The following PEX1 variants were observed in gnomAD, a reference collection of about 807,000 sequenced individuals.
PEX1 encodes the protein peroxisomal biogenesis factor 1.
PEX1 carries 97 observed loss-of-function variants against 152.5 expected under a neutral mutation model. The ratio of observed to expected loss-of-function variants is 0.64; its 90% CI spans 0.54 to 0.75. PEX1 has a LOEUF of 0.75. PEX1 is among the 30% of genes least tolerant of loss of function. The probability of loss-of-function intolerance (pLI) is 0.00; values close to 1 mark genes in which losing one functional copy is unlikely to be tolerated. For missense variants in PEX1, 1,357 were observed against 1,516.3 expected (o/e 0.89, Z 1.74); for synonymous variants, 485 against 531.6 (o/e 0.91, Z 1.21).
intron 22 of PEX1, 83 bp downstream of exon 22, chr7:92,489,631 A>G (rs1040993893): frequency 3.0e-5 from 39 of 1,289,720 alleles, no homozygotes; most frequent in Middle Eastern, 3.7e-4. Flanking sequence ...TAGCTCGTTT[A>G]TAAGTCAAAG....
In PEX1 at chr7:92,504,768, T is replaced by G. The variant is rs1792099195; in HGVS notation, c.2035A>C (p.Ser679Arg). The G allele has an allele frequency of 6.2e-7, 1 of 1,614,072 alleles. No homozygotes were observed. The highest frequency in any genetic ancestry group is 8.5e-7 in the Non-Finnish European group (1 of 1,180,018). Reference sequence around the variant, plus strand: ...CGCTGGCTCTGCACCGCATCAGGACTGTGCTCATGTTCCGGGACAGCAGGC... The same window carrying G: ...CGCTGGCTCTGCACCGCATCAGGACGGTGCTCATGTTCCGGGACAGCAGGC... ...GLPAVPEHEH[S>R]PDAVQSQRLA... Residue 679 changes from serine (S) to arginine (R), a missense_variant, in exon 12 of 24, where the codon AGT becomes CGT. Coordinates refer to ENST00000248633, the MANE Select transcript of PEX1 (RefSeq NM_000466.3).
rs2116077400 is a variant in PEX1, at chr7:92,493,001, A to AT, written c.3158dup (p.Asn1053LysfsTer24). Reference sequence around the variant, plus strand: ...TTCCATGTAAGGCCTCCAATTGGGCATTGTAAAGTAAAGCTTTCAGATCAG... The same window carrying AT: ...TTCCATGTAAGGCCTCCAATTGGGCATTTGTAAAGTAAAGCTTTCAGATCAG... On this transcript the variant is annotated frameshift_variant, in exon 20 of 24. Coordinates refer to ENST00000248633, the MANE Select transcript of PEX1 (RefSeq NM_000466.3). LOFTEE classifies it high-confidence loss of function. The AT allele has an allele frequency of 6.2e-7, 1 of 1,613,968 alleles. No homozygotes were observed. Among genetic ancestry groups the AT allele is most frequent in the Non-Finnish European group, 8.5e-7 (1 of 1,179,860 alleles).
intron 2 of PEX1, among the ~76,000 whole-genome samples, chr7:92,521,847 A>AC (rs1793063432): frequency 2.6e-5 from 4 of 152,234 alleles, no homozygotes; most frequent in Admixed American, 1.3e-4. Context: ...AAATAATTTC[A>AC]TGAAACCAAA....
intron 6 of PEX1, among the ~76,000 whole-genome samples, chr7:92,512,210 T>C (rs1792506232): frequency 6.6e-6 from 1 of 152,180 alleles, no homozygotes; most frequent in Non-Finnish European, 1.5e-5. Context: ...TTGGTAGACA[T>C]GGGGTTTCAC....
intron 5 of PEX1, among the ~76,000 whole-genome samples, chr7:92,515,189 G>A (rs1006346505): frequency 2.7e-5 from 4 of 147,070 alleles, no homozygotes; most frequent in African/African-American, 5.1e-5. Flanking sequence ...ACATAAAGAC[G>A]ACTTTACTCT....
chr7:92,487,565 A>G, intron 23 of PEX1, 24 bp from the exon 24 acceptor site: 1 of 1,047,844 alleles, frequency 9.5e-7, no homozygotes, highest in Non-Finnish European at 1.5e-6. Flanking sequence ...GAGATAATTT[A>G]ATATGTATAA....
In PEX1 at chr7:92,487,328, C is replaced by G; in HGVS notation, c.*129G>C. 1.7e-6 allele frequency: 1 copy of G among 598,076 alleles called. No homozygotes were observed. The highest frequency in any genetic ancestry group is 3.0e-6 in the Non-Finnish European group (1 of 336,126). 37.0% of individuals were successfully genotyped at this position (598,076 alleles called of 1,614,324 possible). Reference sequence around the variant, plus strand: ...TTACATAATTATAGCATTTACCAATCTGTGATTTTATAAATTAACCAAATT... The same window carrying G: ...TTACATAATTATAGCATTTACCAATGTGTGATTTTATAAATTAACCAAATT... On this transcript the variant is annotated 3_prime_UTR_variant, in exon 24 of 24. Coordinates refer to ENST00000248633, the MANE Select transcript of PEX1 (RefSeq NM_000466.3).
intron 1 of PEX1, among the ~76,000 whole-genome samples, chr7:92,526,854 C>T (rs918792295): frequency 6.6e-6 from 1 of 152,140 alleles, no homozygotes; most frequent in Admixed American, 6.5e-5. Flanking sequence ...CAACATTAGT[C>T]ACCTCTAAGT....
At chr7:92,504,648 C>T (rs1585235053) in intron 12 of PEX1, 84 bp downstream of exon 12, 1 of 1,314,576 alleles carries the variant, frequency 7.6e-7, no homozygotes, top group East Asian at 2.4e-5. Context: ...ATATTATTCT[C>T]TGAAGAGAGT....
chr7:92,522,268 GA>G, intron 1 of PEX1, 23 bp from the exon 2 acceptor site: 2 of 1,609,114 alleles, frequency 1.2e-6, no homozygotes, highest in South Asian at 1.1e-5. Flanking sequence ...GAAATGAGAG[GA>G]AAAAAGGTTT....
chr7:92,496,929 TATC>T, intron 16 of PEX1, 152 bp from the exon 17 acceptor site: 1 of 647,402 alleles, frequency 1.5e-6, no homozygotes, highest in Non-Finnish European at 2.8e-6. Flanking sequence ...CTAGAATAAA[TATC>T]ATACCACAAG....
Position 92,509,405 on chromosome 7 carries a change from G to C in PEX1, c.1594C>G (p.Leu532Val), listed in dbSNP as rs1475891810. The C allele has an allele frequency of 7.5e-6, 12 of 1,608,174 alleles. No individual in the cohort carries two copies. The East Asian group carries it at 2.0e-4, about 27-fold the overall frequency. ...LLQKTTIQVL[L>V]DPMVKEENSE... The stretch of plus-strand genomic sequence containing the variant: ...TTTTCTTCTTTTACCATAGGATCTA[G>C]AAGGACCTACAGTTGCAAGGAAAAA... Residue 532 changes from leucine (L) to valine (V), a missense_variant, in exon 9 of 24, where the codon CTA (leucine) becomes GTA (valine). By Grantham distance (32) the Leu-to-Val change is conservative. Coordinates refer to ENST00000248633, the MANE Select transcript of PEX1 (RefSeq NM_000466.3).
At chr7:92,506,669 G>A (rs760438558) in intron 10 of PEX1, 2 of 494,228 alleles carry the variant, frequency 4.0e-6, no homozygotes, top group Non-Finnish European at 7.3e-6. Flanking sequence ...ATTTATCACA[G>A]GTATGCAAGG....
chr7:92,504,198 T>C (rs1208802755), intron 12 of PEX1, among the ~76,000 whole-genome samples: 4 of 151,998 alleles, frequency 2.6e-5, no homozygotes, highest in African/African-American at 7.2e-5. Flanking sequence ...TCTCGCATAG[T>C]GTATGCTGTC....
Position 92,517,605 on chromosome 7 carries a change from A to G in PEX1, c.910T>C (p.Ser304Pro), listed in dbSNP as rs1418954558. 6.2e-7 allele frequency: 1 copy of G among 1,613,962 alleles called. No individual in the cohort carries two copies. Among genetic ancestry groups the G allele is most frequent in the East Asian group, 2.2e-5 (1 of 44,888 alleles). Residue 304 changes from serine (S) to proline (P), a missense_variant, in exon 5 of 24, where the codon TCT becomes CCT. By Grantham distance (74) the Ser-to-Pro change is moderately conservative. Transcript: ENST00000248633. The stretch of plus-strand genomic sequence containing the variant: ...ATGGCACAGTGTTTATGAAAAACAG[A>G]GGTTGCTGACGCGTTATATATACTA... ...PPSIYNASAT[S>P]VFHKHCAIHV... is the part of the protein sequence containing the mutation.
chr7:92,509,860 T>C (rs1337845919), intron 8 of PEX1, among the ~76,000 whole-genome samples: 1 of 152,138 alleles, frequency 6.6e-6, no homozygotes, highest in East Asian at 1.9e-4. Context: ...AAGACCACTC[T>C]TGGCTGGGTG....
chr7:92,520,056 T>C (rs1291658978), intron 2 of PEX1, among the ~76,000 whole-genome samples: 2 of 151,376 alleles, frequency 1.3e-5, no homozygotes, highest in African/African-American at 4.9e-5. Context: ...ACCAAGAAGC[T>C]AGAGACTCAG....
chr7:92,491,617 T>A lies in PEX1; in HGVS notation c.3208-115A>T, dbSNP rs1468808063. 3.2e-5 allele frequency: 22 copies of A among 683,966 alleles called. No individual in the cohort carries two copies. The Admixed American group carries it at 5.6e-4, about 17-fold the overall frequency. 42.4% of individuals were successfully genotyped at this position (683,966 alleles called of 1,614,324 possible). ...CAATACAAGAAACTTAGAAGCATTTTTCAAAGAGCTCATTAATTCTCTAAC... is the reference window on the plus strand; with the variant it reads ...CAATACAAGAAACTTAGAAGCATTTATCAAAGAGCTCATTAATTCTCTAAC... On this transcript the variant is annotated intron_variant, in intron 20 of 23. Transcript: ENST00000248633.
chr7:92,516,036 G>A (rs1792730703), intron 5 of PEX1, among the ~76,000 whole-genome samples: 4 of 103,196 alleles, frequency 3.9e-5, no homozygotes, highest in Admixed American at 2.5e-4. Flanking sequence ...GAGAAGAGAA[G>A]AGAAGAGAAG....
Sources: gnomAD v4.1 joint callset for allele counts (sites outside exome capture counted in the v4.1 genomes callset) on GRCh38, gnomAD v4.1.1 for gene constraint, MANE v1.5 for transcripts, NCBI Gene and HGNC (gene_info 2026-07-23, HGNC 2026-07-21) for gene names.